The following AUTS2 variants were observed in gnomAD, a reference collection of about 807,000 sequenced individuals.
AUTS2 encodes the protein autism susceptibility gene 2 protein.
In AUTS2, 17 loss-of-function variants were observed where a neutral mutation model predicts 112.4. That is an observed-to-expected ratio of 0.15 (90% CI 0.10 to 0.23). AUTS2 has a LOEUF of 0.23. Ranked by LOEUF, AUTS2 falls within the 10% of genes least tolerant of loss-of-function variation. The pLI is 1.00. For missense variants in AUTS2, 1,510 were observed against 1,701.6 expected (o/e 0.89, Z 1.98); for synonymous variants, 751 against 702.7 (o/e 1.07, Z -1.09).
chr7:70,487,236 C>T (rs112943288), intron 5 of AUTS2, among the ~76,000 whole-genome samples: 1 of 152,244 alleles, frequency 6.6e-6, no homozygotes, highest in East Asian at 1.9e-4. Flanking sequence ...CCCGCGCCCC[C>T]CTCCCAGCCA....
In AUTS2 at chr7:69,991,984, T is replaced by C. The variant is rs372848179; in HGVS notation, c.522+92486T>C. 1.0e-3 allele frequency among the ~76,000 whole-genome samples: 157 copies of C among 152,352 alleles called. 3 individuals carry two copies. In the South Asian group the frequency reaches 0.031, roughly 31 times the overall value. ...TATATATATGGTTTGTGCATACTTA[T>C]GTAAGTGTTGCCCTCAAAATGGAAA... On this transcript the variant is annotated intron_variant, in intron 2 of 18. Coordinates refer to ENST00000342771, the MANE Select transcript of AUTS2 (RefSeq NM_015570.4).
chr7:70,351,081 C>A (rs1285569713), intron 4 of AUTS2, among the ~76,000 whole-genome samples: 2 of 146,576 alleles, frequency 1.4e-5, no homozygotes, highest in Non-Finnish European at 3.0e-5. Context: ...GATGGAGTCT[C>A]GCTCTGTCAC....
chr7:70,584,678 T>G (rs1206367640), intron 5 of AUTS2, among the ~76,000 whole-genome samples: 1 of 152,268 alleles, frequency 6.6e-6, no homozygotes, highest in Non-Finnish European at 1.5e-5. Flanking sequence ...CCATGCTTAG[T>G]GCAGCCCCAG....
intron 1 of AUTS2, among the ~76,000 whole-genome samples, chr7:69,875,392 T>G (rs1373799252): frequency 6.6e-6 from 1 of 152,212 alleles, no homozygotes; most frequent in Non-Finnish European, 1.5e-5. Context: ...GAGAAATTAT[T>G]TGTTTCTTGC....
In AUTS2 at chr7:70,266,225, T is replaced by G. The variant is rs199900038; in HGVS notation, c.660+131654T>G. Reference sequence around the variant, plus strand: ...TATGTAGCCATAAGAAAGAATGGAGTACCACACGTGCTACAGCATGGCTGA... The same window carrying G: ...TATGTAGCCATAAGAAAGAATGGAGGACCACACGTGCTACAGCATGGCTGA... On this transcript the variant is annotated intron_variant, in intron 4 of 18. Transcript: ENST00000342771. 1.1e-4 allele frequency among the ~76,000 whole-genome samples: 16 copies of G among 152,238 alleles called. No individual in the cohort carries two copies. The East Asian group carries it at 3.1e-3, about 29-fold the overall frequency.
intron 2 of AUTS2, among the ~76,000 whole-genome samples, chr7:69,964,679 C>T (rs1007049800): frequency 5.3e-5 from 8 of 151,754 alleles, no homozygotes; most frequent in East Asian, 1.9e-4. Context: ...TTTCCCTTCT[C>T]GGTGAGCTTT....
chr7:70,122,169 C>T (rs1292039688), intron 3 of AUTS2, among the ~76,000 whole-genome samples: 1 of 152,000 alleles, frequency 6.6e-6, no homozygotes, highest in Non-Finnish European at 1.5e-5. Context: ...ATAGAACTTA[C>T]CAGGAATTTG....
intron 1 of AUTS2, among the ~76,000 whole-genome samples, chr7:69,819,490 T>C (rs540819499): frequency 9.2e-5 from 14 of 152,312 alleles, no homozygotes; most frequent in Admixed American, 5.2e-4. Flanking sequence ...TGTTGCTTAA[T>C]TACTCTTGAA....
intron 5 of AUTS2, among the ~76,000 whole-genome samples, chr7:70,647,028 C>A (rs1270331929): frequency 6.6e-6 from 1 of 152,216 alleles, no homozygotes; most frequent in Non-Finnish European, 1.5e-5. Context: ...TTTAGCCCAG[C>A]ATTGCTCAGT....
At chr7:70,407,725 C>T (rs1794597105) in intron 4 of AUTS2, among the ~76,000 whole-genome samples, 2 of 151,416 alleles carry the variant, frequency 1.3e-5, no homozygotes, top group African/African-American at 4.8e-5. Flanking sequence ...TCAAGACCGA[C>T]CTGGGCAACA....
At chr7:70,128,638 G>A (rs1049443259) in intron 3 of AUTS2, among the ~76,000 whole-genome samples, 1 of 152,222 alleles carries the variant, frequency 6.6e-6, no homozygotes, top group African/African-American at 2.4e-5. Context: ...GTAGAGTGAA[G>A]TAGCACAGTG....
chr7:70,110,508 C>A (rs1805015358), intron 2 of AUTS2, among the ~76,000 whole-genome samples: 1 of 152,144 alleles, frequency 6.6e-6, no homozygotes, highest in South Asian at 2.1e-4. Flanking sequence ...AAGAGTGAAA[C>A]TCCATCTCAA....
At chr7:70,056,722 T>G (rs1404119524) in intron 2 of AUTS2, among the ~76,000 whole-genome samples, 1 of 152,138 alleles carries the variant, frequency 6.6e-6, no homozygotes, top group Non-Finnish European at 1.5e-5. Context: ...AAGGCAGGAT[T>G]GGCAACTGTG....
At chr7:70,051,610 T>G (rs949877214) in intron 2 of AUTS2, among the ~76,000 whole-genome samples, 1 of 151,968 alleles carries the variant, frequency 6.6e-6, no homozygotes, top group Non-Finnish European at 1.5e-5. Flanking sequence ...TCCCAGCTAC[T>G]CAGGAGGCTG....
chr7:69,827,526 A>G (rs546252985), intron 1 of AUTS2, among the ~76,000 whole-genome samples: 1 of 152,312 alleles, frequency 6.6e-6, no homozygotes, highest in South Asian at 2.1e-4. Flanking sequence ...TGAAGCATGA[A>G]GTGGATTTTA....
chr7:70,376,095 G>C (rs1793073312), intron 4 of AUTS2, among the ~76,000 whole-genome samples: 1 of 151,960 alleles, frequency 6.6e-6, no homozygotes, highest in Admixed American at 6.6e-5. Flanking sequence ...TTCCCAGATG[G>C]CCAAAGGGAG....
chr7:70,612,447 G>A (rs1280488259), intron 5 of AUTS2, among the ~76,000 whole-genome samples: 1 of 151,970 alleles, frequency 6.6e-6, no homozygotes, highest in Non-Finnish European at 1.5e-5. Context: ...TTCTAGACAT[G>A]CAGATCAGCT....
chr7:70,452,645 G>T (rs904577274), intron 5 of AUTS2, among the ~76,000 whole-genome samples: 3 of 152,044 alleles, frequency 2.0e-5, no homozygotes, highest in Non-Finnish European at 4.4e-5. Context: ...TTAGGAAATG[G>T]GATCCAAAAC....
At chr7:70,534,035 G>T (rs1312649648) in intron 5 of AUTS2, among the ~76,000 whole-genome samples, 1 of 152,220 alleles carries the variant, frequency 6.6e-6, no homozygotes, top group Non-Finnish European at 1.5e-5. Flanking sequence ...AATGGCAGGG[G>T]CTGGGAGCCT....
Sources: allele counts gnomAD v4.1 joint callset (sites outside exome capture counted in the v4.1 genomes callset), GRCh38; gene constraint gnomAD v4.1.1; transcripts MANE v1.5; gene names NCBI Gene and HGNC (gene_info 2026-07-23, HGNC 2026-07-21).